The following SLC8A1 variants were observed in gnomAD, a reference collection of about 807,000 sequenced individuals.
SLC8A1 encodes the protein solute carrier family 8 member A1, also known as sodium/calcium exchanger 1.
SLC8A1 carries 18 observed loss-of-function variants against 68.3 expected under a neutral mutation model. That is an observed-to-expected ratio of 0.26 (90% CI 0.18 to 0.39). The LOEUF (loss-of-function observed/expected upper bound fraction) is 0.39. Ranked by LOEUF, SLC8A1 falls within the 10% of genes least tolerant of loss-of-function variation. SLC8A1 has a pLI of 1.00. For synonymous variants in SLC8A1, 475 were observed against 415.5 expected, an observed-to-expected ratio of 1.14 and a Z score of -1.74; for missense variants, 985 against 1,156.7, an observed-to-expected ratio of 0.85 and a Z score of 2.15.
intron 2 of SLC8A1, among the ~76,000 whole-genome samples, chr2:40,300,274 C>G (rs1429088384): frequency 6.6e-6 from 1 of 152,124 alleles, no homozygotes; most frequent in African/African-American, 2.4e-5. Context: ...TCCATTCTTA[C>G]TGCAATCCTA....
intron 2 of SLC8A1, among the ~76,000 whole-genome samples, chr2:40,274,318 A>C (rs2066429996): frequency 6.6e-6 from 1 of 151,744 alleles, no homozygotes; most frequent in African/African-American, 2.4e-5. Flanking sequence ...GTAAATAAAC[A>C]CATAATTTCT....
intron 4 of SLC8A1, 40 bp from the exon 8 acceptor site, chr2:40,165,024 G>C (rs745752028): frequency 1.9e-6 from 3 of 1,610,712 alleles, no homozygotes; most frequent in Admixed American, 3.3e-5. Flanking sequence ...ACTGTGTTCT[G>C]TTTAATTTGG....
intron 2 of SLC8A1, among the ~76,000 whole-genome samples, chr2:40,299,177 G>C (rs1197938657): frequency 6.6e-5 from 10 of 152,120 alleles, no homozygotes; most frequent in Admixed American, 5.9e-4. Flanking sequence ...TGAGGCTGTT[G>C]GGCTGCACCT....
chr2:40,158,278 C>T (rs913442145), intron 6 of SLC8A1, among the ~76,000 whole-genome samples: 14 of 152,182 alleles, frequency 9.2e-5, no homozygotes, highest in African/African-American at 3.1e-4. Context: ...CCTAAGAATA[C>T]TGACATTCTT....
At chr2:40,382,608 A>G (rs1682223101) in intron 2 of SLC8A1, among the ~76,000 whole-genome samples, 1 of 152,128 alleles carries the variant, frequency 6.6e-6, no homozygotes, top group Admixed American at 6.6e-5. Context: ...AGACAATTAT[A>G]AAAGACTGGG....
At chr2:40,351,514 A>C (rs567889148) in intron 2 of SLC8A1, among the ~76,000 whole-genome samples, 1 of 152,094 alleles carries the variant, frequency 6.6e-6, no homozygotes, top group South Asian at 2.1e-4. Flanking sequence ...CAGTATTCTA[A>C]TCTCCAAATC....
At chr2:40,130,416 G>A (rs2039091217) in intron 7 of SLC8A1, among the ~76,000 whole-genome samples, 1 of 152,340 alleles carries the variant, frequency 6.6e-6, no homozygotes, top group South Asian at 2.1e-4. Context: ...AAAGTACAAA[G>A]CATTTAAACT....
At chr2:40,178,441 T>G in intron 2 of SLC8A1, 1 of 1,613,940 alleles carries the variant, frequency 6.2e-7, no homozygotes, top group Non-Finnish European at 8.5e-7. Flanking sequence ...AGGAAGAAGG[T>G]CTTGTTTTTC....
At chr2:40,309,997 C>A (rs1273634186) in intron 2 of SLC8A1, among the ~76,000 whole-genome samples, 1 of 152,160 alleles carries the variant, frequency 6.6e-6, no homozygotes, top group African/African-American at 2.4e-5. Flanking sequence ...TCCCCTCAGC[C>A]CCTGGCAATC....
At chr2:40,348,503 T>A (rs551156340) in intron 2 of SLC8A1, among the ~76,000 whole-genome samples, 1 of 152,318 alleles carries the variant, frequency 6.6e-6, no homozygotes, top group East Asian at 1.9e-4. Flanking sequence ...ATGTATAACT[T>A]CAAGAAAAAG....
chr2:40,283,204 T>C (rs971665857), intron 2 of SLC8A1, among the ~76,000 whole-genome samples: 9 of 152,278 alleles, frequency 5.9e-5, no homozygotes, highest in African/African-American at 2.2e-4. Context: ...TAATGAGAGG[T>C]AGAGGATGTG....
At chr2:40,465,284 G>A (rs1231490821) in intron 1 of SLC8A1, among the ~76,000 whole-genome samples, 1 of 152,016 alleles carries the variant, frequency 6.6e-6, no homozygotes, top group African/African-American at 2.4e-5. Flanking sequence ...GTGTTTTACA[G>A]GGCATTCATG....
Position 40,304,787 on chromosome 2 carries a change from C to T in SLC8A1, c.1808+123686G>A, listed in dbSNP as rs542074859. 7.8e-4 allele frequency among the ~76,000 whole-genome samples: 119 copies of T among 152,276 alleles called. 1 individual carries two copies. The highest frequency in any genetic ancestry group is 2.7e-3 in the African/African-American group (113 of 41,548). On this transcript the variant is annotated intron_variant, in intron 2 of 7. Transcript: ENST00000406785. ...GCAACTGGGGCTCTGAGATCCCCAA[C>T]GCTAGCTGTTTTCTGGGCTCAGCGA...
chr2:40,163,815 T>G (rs1033237855), intron 5 of SLC8A1, among the ~76,000 whole-genome samples: 12 of 152,224 alleles, frequency 7.9e-5, no homozygotes, highest in African/African-American at 2.7e-4. Flanking sequence ...CATTTTGTTT[T>G]CCACCTGTCT....
chr2:40,376,206 T>C (rs1263315004), intron 2 of SLC8A1, among the ~76,000 whole-genome samples: 1 of 152,120 alleles, frequency 6.6e-6, no homozygotes, highest in African/African-American at 2.4e-5. Context: ...ATCAGTCTAG[T>C]ATTTGTGGCC....
intron 4 of SLC8A1, among the ~76,000 whole-genome samples, chr2:40,173,895 TGAG>T (rs2047993772): frequency 1.3e-5 from 2 of 152,134 alleles, no homozygotes; most frequent in Admixed American, 6.5e-5. Context: ...TCTAAAAGGG[TGAG>T]AAGATATTTA....
intron 2 of SLC8A1, among the ~76,000 whole-genome samples, chr2:40,387,224 C>A (rs577108222): frequency 4.6e-5 from 7 of 151,420 alleles, no homozygotes; most frequent in Admixed American, 2.0e-4. Flanking sequence ...TACATCTTTA[C>A]TTGGATATTT....
chr2:40,154,745 G>A (rs1464382354), intron 6 of SLC8A1, among the ~76,000 whole-genome samples: 2 of 152,030 alleles, frequency 1.3e-5, no homozygotes, highest in Non-Finnish European at 2.9e-5. Flanking sequence ...GCTCACTGCA[G>A]CCTTGAACTC....
At chr2:40,266,028 T>C (rs76493523) in intron 2 of SLC8A1, among the ~76,000 whole-genome samples, 245 of 152,238 alleles carry the variant, frequency 1.6e-3, no homozygotes, top group African/African-American at 5.8e-3. Context: ...TCATACTAAC[T>C]CCTAACTTCA....
Sources: gnomAD v4.1 joint callset for allele counts (sites outside exome capture counted in the v4.1 genomes callset) on GRCh38, gnomAD v4.1.1 for gene constraint, MANE v1.5 for transcripts, NCBI Gene and HGNC (gene_info 2026-07-23, HGNC 2026-07-21) for gene names.